Variants in PHLDB2 observed in about 807,000 individuals in gnomAD.
PHLDB2 encodes pleckstrin homology-like domain family B member 2.
PHLDB2 carries 71 observed loss-of-function variants against 123.6 expected under a neutral mutation model. The observed-to-expected ratio is 0.57, with a 90% CI of 0.47 to 0.70. The LOEUF (loss-of-function observed/expected upper bound fraction) is 0.70. PHLDB2 is among the 30% of genes least tolerant of loss of function. The pLI, the probability that PHLDB2 is intolerant of heterozygous loss-of-function variation, is 0.00. For missense variants in PHLDB2, 1,446 were observed against 1,519.5 expected (o/e 0.95, Z 0.80); for synonymous variants, 547 against 541.6 (o/e 1.01, Z -0.14).
At chr3:111,755,489 GTGGTGA>G (rs2059869991) in intron 1 of PHLDB2, among the ~76,000 whole-genome samples, 1 of 140,792 alleles carries the variant, frequency 7.1e-6, no homozygotes, top group Non-Finnish European at 1.5e-5. Flanking sequence ...TGTGGGATCG[GTGGTGA>G]TATCCCCTTT....
intron 8 of PHLDB2, among the ~76,000 whole-genome samples, chr3:111,944,501 T>A (rs1360131312): frequency 6.6e-6 from 1 of 151,988 alleles, no homozygotes; most frequent in East Asian, 1.9e-4. Flanking sequence ...CATAGACAAA[T>A]GTAAAAGCTA....
intron 1 of PHLDB2, among the ~76,000 whole-genome samples, chr3:111,752,692 C>G (rs2059803393): frequency 6.6e-6 from 1 of 151,634 alleles, no homozygotes; most frequent in Admixed American, 6.6e-5. Context: ...TACATGTGCA[C>G]AATGTGCAGG....
intron 1 of PHLDB2, among the ~76,000 whole-genome samples, chr3:111,830,653 C>CAA (rs1383473325): frequency 6.8e-6 from 1 of 147,412 alleles, no homozygotes; most frequent in African/African-American, 2.5e-5. Flanking sequence ...ACTAAAAATA[C>CAA]AAAAAATTAG....
At chr3:111,946,687 T>C (rs2070331584) in intron 9 of PHLDB2, among the ~76,000 whole-genome samples, 2 of 152,198 alleles carry the variant, frequency 1.3e-5, no homozygotes, top group African/African-American at 4.8e-5. Flanking sequence ...AGGGTGCAGG[T>C]CTTGTGAGTC....
chr3:111,969,568 CTT>C, intron 15 of PHLDB2, 120 bp from the exon 16 acceptor site: 1 of 737,900 alleles, frequency 1.4e-6, no homozygotes, highest in South Asian at 1.9e-5. Context: ...ATCTTAAGCT[CTT>C]TTAATCATAT....
chr3:111,879,985 C>CTTTT (rs33958199), intron 1 of PHLDB2, among the ~76,000 whole-genome samples: 2 of 108,258 alleles, frequency 1.8e-5, no homozygotes, highest in Non-Finnish European at 3.7e-5. Context: ...TACCCACTGC[C>CTTTT]TTTTTTTTTT....
At chr3:111,754,210 G>C (rs988888419) in intron 1 of PHLDB2, among the ~76,000 whole-genome samples, 1 of 149,192 alleles carries the variant, frequency 6.7e-6, no homozygotes, top group Non-Finnish European at 1.5e-5. Flanking sequence ...GCTTGATGGG[G>C]ATGGCACTGA....
intron 1 of PHLDB2, among the ~76,000 whole-genome samples, chr3:111,791,305 G>T (rs1201618558): frequency 6.6e-6 from 1 of 152,208 alleles, no homozygotes; most frequent in Non-Finnish European, 1.5e-5. Context: ...GCAATGGTTT[G>T]CTTCCTGTGA....
At chr3:111,751,174 T>TGTGTGTGC (rs2059766882) in intron 1 of PHLDB2, among the ~76,000 whole-genome samples, 1 of 97,302 alleles carries the variant, frequency 1.0e-5, no homozygotes, top group African/African-American at 4.2e-5. Flanking sequence ...ATGGGGTGTG[T>TGTGTGTGC]GTGTGTGTGT....
intron 10 of PHLDB2, chr3:111,949,564 A>G (rs2070573348): frequency 1.4e-5 from 5 of 351,918 alleles, no homozygotes; most frequent in Non-Finnish European, 2.0e-5. Context: ...ATAAGAGGCT[A>G]AATTGAAAGA....
At chr3:111,745,144 G>A (rs2059662110) in intron 1 of PHLDB2, among the ~76,000 whole-genome samples, 1 of 152,162 alleles carries the variant, frequency 6.6e-6, no homozygotes, top group East Asian at 1.9e-4. Flanking sequence ...CATCTGTAAA[G>A]CAATGAAGAT....
chr3:111,965,418 C>T (rs936814589), intron 13 of PHLDB2, among the ~76,000 whole-genome samples: 1 of 152,180 alleles, frequency 6.6e-6, no homozygotes, highest in African/African-American at 2.4e-5. Context: ...TTCTCTTCAA[C>T]AGAACTCTTA....
intron 1 of PHLDB2, among the ~76,000 whole-genome samples, chr3:111,787,912 A>C (rs2060759819): frequency 6.6e-6 from 1 of 152,216 alleles, no homozygotes; most frequent in South Asian, 2.1e-4. Context: ...TAGTCCGCCA[A>C]AATAAACATT....
intron 1 of PHLDB2, among the ~76,000 whole-genome samples, chr3:111,875,127 A>G (rs556081029): frequency 1.3e-5 from 2 of 152,222 alleles, no homozygotes; most frequent in East Asian, 1.9e-4. Context: ...AGTCTTCAAT[A>G]TTTATATATT....
chr3:111,756,049 G>A (rs2059882112), intron 1 of PHLDB2, among the ~76,000 whole-genome samples: 1 of 152,086 alleles, frequency 6.6e-6, no homozygotes, highest in African/African-American at 2.4e-5. Context: ...TTTTACATTT[G>A]CTGAGGAGAG....
intron 3 of PHLDB2, chr3:111,914,041 T>C (rs1329879746): frequency 3.6e-6 from 1 of 275,628 alleles, no homozygotes; most frequent in East Asian, 8.3e-5. Flanking sequence ...TGTGTATATA[T>C]GGCTATCTGT....
intron 1 of PHLDB2, among the ~76,000 whole-genome samples, chr3:111,827,372 T>C (rs542359040): frequency 3.3e-5 from 5 of 152,210 alleles, no homozygotes; most frequent in Non-Finnish European, 5.9e-5. Context: ...CACTCTGTTA[T>C]GACTCGGTTA....
chr3:111,952,900 G>A (rs902667146), intron 11 of PHLDB2, among the ~76,000 whole-genome samples, 188 bp downstream of exon 11: 5 of 152,100 alleles, frequency 3.3e-5, no homozygotes, highest in African/African-American at 1.2e-4. Context: ...TATGCTCTGG[G>A]GCCAAAGAAC....
chr3:111,821,808 T>C (rs1482913941), intron 1 of PHLDB2, among the ~76,000 whole-genome samples: 1 of 152,218 alleles, frequency 6.6e-6, no homozygotes, highest in Admixed American at 6.5e-5. Flanking sequence ...AGACGTTGTT[T>C]GCCACGTGCT....
Sources: gnomAD v4.1 joint callset for allele counts (sites outside exome capture counted in the v4.1 genomes callset) on GRCh38, gnomAD v4.1.1 for gene constraint, MANE v1.5 for transcripts, NCBI Gene and HGNC (gene_info 2026-07-23, HGNC 2026-07-21) for gene names.